The following CSF1R variants were observed in gnomAD, a reference collection of about 807,000 sequenced individuals.
The protein encoded by CSF1R is macrophage colony-stimulating factor 1 receptor.
In CSF1R, 40 loss-of-function variants were observed where a neutral mutation model predicts 110.0. The observed-to-expected ratio is 0.36, with a 90% confidence interval of 0.28 to 0.47. The LOEUF (loss-of-function observed/expected upper bound fraction) is 0.47. Ranked by LOEUF, CSF1R falls within the 20% of genes least tolerant of loss-of-function variation. The pLI is 0.99. For missense variants in CSF1R, 1,052 were observed against 1,253.0 expected (o/e 0.84, Z 2.42); for synonymous variants, 523 against 503.4 (o/e 1.04, Z -0.52).
At chr5:150,069,748 A>C in intron 9 of CSF1R, 125 bp downstream of exon 9, 18 of 822,620 alleles carry the variant, frequency 2.2e-5, no homozygotes, top group East Asian at 2.9e-5. Flanking sequence ...TGGTACTGCT[A>C]GGATCTGCTC....
At chr5:150,061,967 A>C (rs1757554532) in intron 10 of CSF1R, 118 bp from the exon 11 acceptor site, 3 of 1,409,424 alleles carry the variant, frequency 2.1e-6, no homozygotes. Context: ...GGGAGAAGGC[A>C]GGGCAAGGCC....
chr5:150,103,013 AT>A (rs1759450328), intron 1 of CSF1R, among the ~76,000 whole-genome samples: 1 of 152,120 alleles, frequency 6.6e-6, no homozygotes, highest in Admixed American at 6.5e-5. Flanking sequence ...TTTCATTTCC[AT>A]TTTCTCATAC....
At chr5:150,085,277 G>GAAAAAAAAAAAAAAAAAA (rs70973563) in intron 1 of CSF1R, among the ~76,000 whole-genome samples, 3,501 of 91,276 alleles carry the variant, frequency 0.038, 186 homozygotes, top group East Asian at 0.05. Flanking sequence ...TCTGTCTCAG[G>GAAAAAAAAAAAAAAAAAA]AAAAAAAAAA....
rs71586151 is a variant in CSF1R, at chr5:150,061,176, A to G, written c.1859-204T>C. On this transcript the variant is annotated intron_variant, in intron 12 of 20. Coordinates refer to ENST00000675795, the MANE Select transcript of CSF1R (RefSeq NM_001288705.3). ...GAGAGAGAGGAGGGATGAGCCTGTC[A>G]CTGAGCTGGTCTTCAGGTGACAGGA... is the stretch of plus-strand genomic sequence containing the variant. 0.065 allele frequency among the ~76,000 whole-genome samples: 9,930 copies of G among 152,242 alleles called. 418 individuals are homozygous for G. The highest frequency in any genetic ancestry group is 0.13 in the East Asian group (664 of 5,176).
chr5:150,082,105 G>A (rs935891941), intron 1 of CSF1R, among the ~76,000 whole-genome samples: 5 of 152,330 alleles, frequency 3.3e-5, no homozygotes, highest in Admixed American at 3.3e-4. Context: ...CTCTCTCCAG[G>A]CAGGGAGAGG....
chr5:150,077,986 T>A, intron 4 of CSF1R, 126 bp downstream of exon 4: 1 of 1,089,956 alleles, frequency 9.2e-7, no homozygotes, highest in South Asian at 1.4e-5. Flanking sequence ...CACCCCTCTC[T>A]GGAGTCTGAG....
At position 150,059,807 on chromosome 5, in the gene CSF1R, C is replaced by G; in HGVS notation, c.2025G>C (p.Leu675=). Residue 675 remains leucine (L), a synonymous_variant, in exon 14 of 21, where the codon CTG becomes CTC. Transcript: ENST00000675795. ...CCAGCATGGCCTCAGCCTTCCTTCG[C>G]AGAAAGTTGAGCAGGTCGCCATAGC... The part of the protein sequence containing the change: ...YCCYGDLLNF[L]RRKAEAMLGP... The G allele has an allele frequency of 6.2e-7, 1 of 1,614,186 alleles. No homozygotes were observed. Among genetic ancestry groups the G allele is most frequent in the Non-Finnish European group, 8.5e-7 (1 of 1,180,038 alleles).
chr5:150,065,458 G>T (rs1029821069), intron 10 of CSF1R, among the ~76,000 whole-genome samples: 5 of 152,180 alleles, frequency 3.3e-5, no homozygotes, highest in African/African-American at 4.8e-5. Context: ...GGCCCCCCTT[G>T]TGGTCACTCT....
At chr5:150,085,691 C>A (rs1758811986) in intron 1 of CSF1R, among the ~76,000 whole-genome samples, 1 of 151,884 alleles carries the variant, frequency 6.6e-6, no homozygotes, top group Non-Finnish European at 1.5e-5. Context: ...ACCCCGAATT[C>A]CCCTCTCCTG....
At chr5:150,066,450 T>C (rs1445096385) in intron 10 of CSF1R, among the ~76,000 whole-genome samples, 2 of 152,186 alleles carry the variant, frequency 1.3e-5, no homozygotes, top group East Asian at 1.9e-4. Flanking sequence ...CAGTGGGCTC[T>C]TGGCATGTCA....
At position 150,061,519 on chromosome 5, in the gene CSF1R, G is replaced by A. The variant is rs200536087; in HGVS notation, c.1830C>T (p.Val610=). Residue 610 remains valine (V), a synonymous_variant, in exon 12 of 21, where the codon GTC becomes GTT. Coordinates refer to ENST00000675795, the MANE Select transcript of CSF1R (RefSeq NM_001288705.3). ...TCAGCATCTTCACAGCCACCTTCAG[G>A]ACAGCATCCTCCTTGCCCAGACCAA... ...TAFGLGKEDA[V]LKVAVKMLKS... The A allele has an allele frequency of 1.6e-5, 26 of 1,597,462 alleles. No homozygotes were observed. The East Asian group carries it at 5.7e-4, about 35-fold the overall frequency.
At chr5:150,070,375 T>C in intron 7 of CSF1R, 73 bp from the exon 8 acceptor site, 2 of 1,587,060 alleles carry the variant, frequency 1.3e-6, no homozygotes, top group African/African-American at 1.3e-5. Flanking sequence ...CCTACTTCCC[T>C]GTGCCCTGCC....
chr5:150,104,432 C>G (rs1024568312), intron 1 of CSF1R, among the ~76,000 whole-genome samples: 1 of 152,240 alleles, frequency 6.6e-6, no homozygotes, highest in Non-Finnish European at 1.5e-5. Flanking sequence ...GGAAGCCTCC[C>G]TGTTCCTGCC....
At chr5:150,100,950 C>T (rs962442792) in intron 1 of CSF1R, among the ~76,000 whole-genome samples, 1 of 152,144 alleles carries the variant, frequency 6.6e-6, no homozygotes, top group Non-Finnish European at 1.5e-5. Context: ...TGCCTTCTCC[C>T]ATTCTGTGGT....
At chr5:150,105,276 A>G (rs1759512171) in intron 1 of CSF1R, among the ~76,000 whole-genome samples, 1 of 140,700 alleles carries the variant, frequency 7.1e-6, no homozygotes, top group Non-Finnish European at 1.5e-5. Flanking sequence ...TGAACCCAGG[A>G]GGCGGAGGTT....
rs1029358804 is a variant in CSF1R, at chr5:150,094,428, C to T, written c.-180-7821G>A. 1.1e-5 allele frequency: 17 copies of T among 1,597,890 alleles called. No individual in the cohort carries two copies. In the South Asian group the frequency reaches 1.2e-4, roughly 11 times the overall value. ...AAAGAAGTTTGCCCAAAAGATGCTT[C>T]GAAAGGCAAGGAGGAAGCTTATCTA... is the stretch of plus-strand genomic sequence containing the variant. On this transcript the variant is annotated intron_variant, in intron 1 of 21. Transcript: ENST00000286301.
chr5:150,054,993 C>CAAAA (rs11342950), intron 19 of CSF1R, among the ~76,000 whole-genome samples: 47 of 74,750 alleles, frequency 6.3e-4, no homozygotes, highest in African/African-American at 2.0e-3. Flanking sequence ...GATGCTGTCT[C>CAAAA]AAAAAAAAAA....
intron 17 of CSF1R, 22 bp from the exon 18 acceptor site, chr5:150,056,159 A>G (rs1241234572): frequency 1.2e-6 from 2 of 1,613,976 alleles, no homozygotes; most frequent in East Asian, 2.2e-5. Context: ...GTCCCCAGTT[A>G]TTTTGGGCCC....
At chr5:150,054,710 G>T (rs779851804) in intron 19 of CSF1R, 6 of 383,600 alleles carry the variant, frequency 1.6e-5, no homozygotes, top group East Asian at 4.5e-5. Flanking sequence ...TTTAGGGACA[G>T]GTGCAGTGGC....
Sources: gnomAD v4.1 joint callset for allele counts (sites outside exome capture counted in the v4.1 genomes callset) on GRCh38, gnomAD v4.1.1 for gene constraint, MANE v1.5 for transcripts, NCBI Gene and HGNC (gene_info 2026-07-23, HGNC 2026-07-21) for gene names.